PAK4: variants seen among roughly 807,000 people sequenced by gnomAD.
The protein encoded by PAK4 is serine/threonine-protein kinase PAK 4.
Under a neutral mutation model 53.5 loss-of-function variants are expected in PAK4, and 49 were observed. The ratio of observed to expected loss-of-function variants is 0.92; its 90% CI spans 0.73 to 1.16. The LOEUF (loss-of-function observed/expected upper bound fraction) is 1.16. Among genes scored for constraint, PAK4 ranks in the 50% most tolerant of loss-of-function variants. The pLI is 0.00. For missense variants in PAK4, 824 were observed against 850.7 expected, an observed-to-expected ratio of 0.97 and a Z score of 0.39; for synonymous variants, 376 against 375.6, an observed-to-expected ratio of 1.00 and a Z score of -0.01.
chr19:39,139,923 G>A lies in PAK4; in HGVS notation c.-23+14004G>A, dbSNP rs374083153. Among the ~76,000 whole-genome samples the A allele has an allele frequency of 1.4e-4, 21 of 152,326 alleles. 2 individuals carry two copies. Among genetic ancestry groups the A allele is most frequent in the Admixed American group, 1.2e-3 (18 of 15,298 alleles). On this transcript the variant is annotated intron_variant, in intron 1 of 8. Coordinates refer to ENST00000358301, the Ensembl canonical transcript of PAK4. The stretch of plus-strand genomic sequence containing the variant: ...ACAAATGTGTTTTAGCTTTTGGCAT[G>A]TTCTGGGTGCTTTTCTAGGCTTCTG...
intron 1 of PAK4, among the ~76,000 whole-genome samples, chr19:39,154,224 G>C (rs1379804221): frequency 6.6e-6 from 1 of 152,134 alleles, no homozygotes; most frequent in Non-Finnish European, 1.5e-5. Context: ...ACCCAGGAGA[G>C]CTCTTGCTAG....
chr19:39,175,964 C>CAG lies in PAK4; in HGVS notation c.1359+533_1359+534dup, dbSNP rs1231986042. Among the ~76,000 whole-genome samples the CAG allele has an allele frequency of 1.3e-5, 2 of 152,200 alleles. No homozygotes were observed. The highest frequency in any genetic ancestry group is 2.9e-5 in the Non-Finnish European group (2 of 68,034). On this transcript the variant is annotated intron_variant, in intron 6 of 8. Coordinates refer to ENST00000358301, the Ensembl canonical transcript of PAK4. The surrounding 1 kb of genome is among the most constrained non-coding windows in gnomAD (Gnocchi z 4.7). Reference sequence around the variant, plus strand: ...GCCACACCATTAGTCCAGGCAGAGGCAGAGAGAGCTCTGTGTCACTGACAG... The same window carrying CAG: ...GCCACACCATTAGTCCAGGCAGAGGCAGAGAGAGAGCTCTGTGTCACTGACAG...
intron 8 of PAK4, among the ~76,000 whole-genome samples, 165 bp downstream of exon 9, chr19:39,177,974 C>T (rs1258760661): frequency 6.6e-6 from 1 of 152,092 alleles, no homozygotes; most frequent in African/African-American, 2.4e-5. Flanking sequence ...TGCAGACCCC[C>T]TCTGTGGGGC....
intron 7 of PAK4, among the ~76,000 whole-genome samples, chr19:39,177,226 C>G (rs142073582): frequency 8.3e-4 from 126 of 152,332 alleles, no homozygotes; most frequent in African/African-American, 2.9e-3. Context: ...GGGAGCAGAG[C>G]TGGTCCCGGC....
intron 1 of PAK4, chr19:39,152,298 C>A (rs1234196893): frequency 1.3e-5 from 2 of 152,152 alleles, no homozygotes; most frequent in African/African-American, 4.8e-5. Flanking sequence ...TCTTACCCCA[C>A]ATATCCATGG....
intron 1 of PAK4, among the ~76,000 whole-genome samples, chr19:39,151,325 A>G (rs917186348): frequency 2.6e-5 from 4 of 152,222 alleles, no homozygotes; most frequent in Admixed American, 2.0e-4. Context: ...GGGGGGCCAC[A>G]CCTCACATAT....
chr19:39,173,777 C>T lies in PAK4; in HGVS notation c.865C>T (p.Pro289Ser), dbSNP rs778898769. 1.3e-6 allele frequency: 2 copies of T among 1,599,568 alleles called. No individual in the cohort carries two copies. The highest frequency in any genetic ancestry group is 1.3e-5 in the African/African-American group (1 of 74,590). ...CCCTGCTGTTCCTGGGCCCCCTGGC[C>T]CCCGCTCACCACAGCGGGAGCCACA... Residue 289 changes from proline to serine, a missense_variant, in exon 4 of 9, where the codon CCC becomes TCC. Coordinates refer to ENST00000358301, the Ensembl canonical transcript of PAK4. The surrounding 1 kb of genome is among the most constrained non-coding windows in gnomAD (Gnocchi z 6.9).
intron 1 of PAK4, among the ~76,000 whole-genome samples, chr19:39,139,554 G>GA (rs2073877053): frequency 2.0e-5 from 3 of 152,138 alleles, no homozygotes; most frequent in African/African-American, 7.2e-5. Flanking sequence ...TCCTCAGCAG[G>GA]CCCCAGACTC....
Position 39,173,630 on chromosome 19 carries a change from CCCCAGTCCT to C in PAK4, c.721_729del (p.Gln241_Ser243del), listed in dbSNP as rs769874132. The C allele has an allele frequency of 3.8e-6, 6 of 1,559,814 alleles. No homozygotes were observed. In the South Asian group the frequency reaches 7.3e-5, roughly 19 times the overall value. On this transcript the variant is annotated inframe_deletion, in exon 4 of 9. Transcript: ENST00000358301. The surrounding 1 kb of genome is among the most constrained non-coding windows in gnomAD (Gnocchi z 6.9). ...GCCATCAGCGGGGGGCCTGGCCATC[CCCCAGTCCT>C]CCTCCTCCTCCTCCCGGCCTCCCAC...
rs148731725 is a variant in PAK4 at position 39,145,641 on chromosome 19, G to C, written c.-23+19722G>C. Reference sequence around the variant, plus strand: ...ACCCAGTTACAGCCGTGATGTGAAGGGGCCCTCCCTGAGCTTATGTAAGGT... The same window carrying C: ...ACCCAGTTACAGCCGTGATGTGAAGCGGCCCTCCCTGAGCTTATGTAAGGT... On this transcript the variant is annotated intron_variant, in intron 1 of 8. Coordinates refer to ENST00000358301, the Ensembl canonical transcript of PAK4. Among the ~76,000 whole-genome samples, 1,225 of 152,278 alleles carry C rather than the reference G, an allele frequency of 8.0e-3. 23 individuals are homozygous for C. The highest frequency in any genetic ancestry group is 0.028 in the African/African-American group (1,152 of 41,560).
At chr19:39,148,956 A>G (rs572781722) in intron 1 of PAK4, among the ~76,000 whole-genome samples, 1 of 152,272 alleles carries the variant, frequency 6.6e-6, no homozygotes, top group East Asian at 1.9e-4. Context: ...TTCTTTCACA[A>G]GAATCAGTTA....
chr19:39,134,281 GAAC>G (rs2073769607), intron 1 of PAK4, among the ~76,000 whole-genome samples: 1 of 152,198 alleles, frequency 6.6e-6, no homozygotes. Context: ...ATTACAAAGT[GAAC>G]AACGCTTCCC....
chr19:39,130,640 T>G lies in PAK4; in HGVS notation c.-23+4721T>G, dbSNP rs2073691125. Among the ~76,000 whole-genome samples, 8 of 151,632 alleles carry G rather than the reference T, an allele frequency of 5.3e-5. No homozygotes were observed. In the South Asian group the frequency reaches 1.7e-3, roughly 32 times the overall value. On this transcript the variant is annotated intron_variant, in intron 1 of 8. Transcript: ENST00000358301. ...GGTAGCCTTGCTCTGCAAAGAGCAG[T>G]TAAAGAAATACATAAAATATAAAAT... is the stretch of plus-strand genomic sequence containing the variant.
exon 7 of PAK4, chr19:39,176,659 G>A (rs1013284694): frequency 7.4e-6 from 12 of 1,613,320 alleles, no homozygotes; most frequent in Admixed American, 3.3e-5. Flanking sequence ...GTCGCTGGTC[G>A]GCACGCCCTA....
At chr19:39,181,073 GTTTGTTTTGT>G (rs59532686), downstream of PAK4, 3,919 of 151,652 alleles carry the variant, frequency 0.026, 115 homozygotes, top group Admixed American at 0.092. Context: ...CTCACTGCAG[GTTTGTTTTGT>G]TTTGTTTTGT....
rs1267003771 is a variant in PAK4 at position 39,141,720 on chromosome 19, C to T, written c.-23+15801C>T. On this transcript the variant is annotated intron_variant, in intron 1 of 8. Transcript: ENST00000358301. ...CACGATCTCGGCTCACTGCAACCTC[C>T]GCCTCCCAGGTTCAAGCACTTCTCC... Among the ~76,000 whole-genome samples the T allele has an allele frequency of 5.9e-5, 9 of 151,914 alleles. No homozygotes were observed. In the South Asian group the frequency reaches 8.3e-4, roughly 14 times the overall value.
chr19:39,127,320 C>T (rs2073605112), intron 1 of PAK4, among the ~76,000 whole-genome samples: 1 of 152,060 alleles, frequency 6.6e-6, no homozygotes, highest in Non-Finnish European at 1.5e-5. Context: ...CCCATGCCTC[C>T]CGCCCGGTCT....
At chr19:39,177,757 C>T in exon 8 of PAK4, 1 of 1,613,668 alleles carries the variant, frequency 6.2e-7, no homozygotes, top group Middle Eastern at 1.7e-4. Context: ...CCCCTCAAAG[C>T]CATGAAGATG....
intron 1 of PAK4, among the ~76,000 whole-genome samples, chr19:39,162,981 C>T (rs1183539877): frequency 4.0e-5 from 6 of 151,684 alleles, no homozygotes; most frequent in Non-Finnish European, 7.4e-5. Context: ...GGTTGGGGGC[C>T]GTGCAGGATG....
Sources: allele counts gnomAD v4.1 joint callset (sites outside exome capture counted in the v4.1 genomes callset), GRCh38; gene constraint gnomAD v4.1.1; non-coding constraint Gnocchi (gnomAD v3.1); transcripts MANE v1.5; gene names NCBI Gene and HGNC (gene_info 2026-07-23, HGNC 2026-07-21).